TASP1: variants seen among roughly 807,000 people sequenced by gnomAD.
TASP1 encodes threonine aspartase 1.
In TASP1, 16 loss-of-function variants were observed where a neutral mutation model predicts 56.6. The observed-to-expected ratio is 0.28, with a 90% CI of 0.19 to 0.43. The LOEUF is 0.43. TASP1 is among the 20% of genes least tolerant of loss of function. TASP1 has a pLI of 1.00. For missense variants in TASP1, 393 were observed against 511.6 expected, an observed-to-expected ratio of 0.77 and a Z score of 2.24; for synonymous variants, 179 against 184.2, an observed-to-expected ratio of 0.97 and a Z score of 0.23.
intron 10 of TASP1, among the ~76,000 whole-genome samples, chr20:13,492,227 C>T (rs1227136900): frequency 6.6e-6 from 1 of 152,220 alleles, no homozygotes; most frequent in East Asian, 1.9e-4. Flanking sequence ...CTGCCATTCA[C>T]TCTCACTGTG....
At chr20:13,263,125 G>C in the TASP1 span, among the ~76,000 whole-genome samples, 552 of 152,208 alleles carry the variant, frequency 3.6e-3, 1 homozygote, top group African/African-American at 0.012. Flanking sequence ...GTTCCTAAAG[G>C]GGCATTGCAC....
intron 12 of TASP1, among the ~76,000 whole-genome samples, 172 bp from the exon 13 acceptor site, chr20:13,417,693 C>G (rs759218956): frequency 2.6e-5 from 4 of 152,182 alleles, no homozygotes; most frequent in Non-Finnish European, 5.9e-5. Flanking sequence ...CTGTGTAATG[C>G]CATTTACTGT....
chr20:13,430,369 G>C (rs1765655530), intron 12 of TASP1, among the ~76,000 whole-genome samples: 1 of 152,220 alleles, frequency 6.6e-6, no homozygotes, highest in Non-Finnish European at 1.5e-5. Context: ...TCTCCGATGA[G>C]ATTTCAGTCA....
intron 10 of TASP1, among the ~76,000 whole-genome samples, chr20:13,494,051 G>C (rs1270182742): frequency 3.9e-5 from 6 of 152,170 alleles, no homozygotes; most frequent in African/African-American, 1.4e-4. Context: ...CAGAGTATAT[G>C]TATAAGCATT....
At chr20:13,402,485 A>T (rs2041773821) in intron 13 of TASP1, among the ~76,000 whole-genome samples, 1 of 152,228 alleles carries the variant, frequency 6.6e-6, no homozygotes. Context: ...ATCAGTGATT[A>T]GCCACTTTTC....
intron 4 of TASP1, among the ~76,000 whole-genome samples, chr20:13,603,155 C>T (rs1014716006): frequency 6.6e-5 from 10 of 151,874 alleles, no homozygotes; most frequent in African/African-American, 2.4e-4. Flanking sequence ...CGCTTGAACC[C>T]GGAGGGTGGA....
intron 7 of TASP1, among the ~76,000 whole-genome samples, chr20:13,562,301 A>AT (rs2046369679): frequency 6.6e-6 from 1 of 152,186 alleles, no homozygotes; most frequent in African/African-American, 2.4e-5. Flanking sequence ...ACATTAAAAA[A>AT]TAAGAAAGAT....
the TASP1 span, among the ~76,000 whole-genome samples, chr20:13,254,175 G>A: frequency 2.0e-5 from 3 of 151,832 alleles, no homozygotes; most frequent in Non-Finnish European, 2.9e-5. Context: ...GGAGGTTGCA[G>A]TGAGCCAAGA....
the TASP1 span, among the ~76,000 whole-genome samples, chr20:13,301,895 A>C: frequency 6.6e-6 from 1 of 152,228 alleles, no homozygotes; most frequent in African/African-American, 2.4e-5. Flanking sequence ...TACTATGAAG[A>C]AATAGAGGCA....
At chr20:13,138,034 G>C in the TASP1 span, among the ~76,000 whole-genome samples, 35 of 152,250 alleles carry the variant, frequency 2.3e-4, no homozygotes, top group African/African-American at 8.4e-4. Flanking sequence ...CACCAACCCA[G>C]GGAGACCTTC....
At chr20:13,213,754 T>G in the TASP1 span, among the ~76,000 whole-genome samples, 2 of 152,148 alleles carry the variant, frequency 1.3e-5, no homozygotes, top group Admixed American at 6.6e-5. Flanking sequence ...TACCCACAAT[T>G]GGGAAAAATC....
chr20:13,384,699 C>G (rs1052966793), downstream of TASP1, among the ~76,000 whole-genome samples: 21 of 152,162 alleles, frequency 1.4e-4, no homozygotes, highest in African/African-American at 4.8e-4. Flanking sequence ...ATTCACTCCC[C>G]CTATAGCCCA....
chr20:13,475,513 T>C (rs905679490), intron 11 of TASP1, among the ~76,000 whole-genome samples: 2 of 152,210 alleles, frequency 1.3e-5, no homozygotes, highest in South Asian at 2.1e-4. Context: ...AATGAATGAA[T>C]ATTTTTCCAA....
At chr20:13,401,250 T>C (rs990967545) in intron 13 of TASP1, among the ~76,000 whole-genome samples, 3 of 152,214 alleles carry the variant, frequency 2.0e-5, no homozygotes, top group Non-Finnish European at 4.4e-5. Context: ...TTGTATTTTA[T>C]ATATATTTAA....
chr20:13,407,657 T>C (rs1017754549), intron 13 of TASP1, among the ~76,000 whole-genome samples: 11 of 152,356 alleles, frequency 7.2e-5, no homozygotes, highest in Admixed American at 3.9e-4. Context: ...TGCCAAACTG[T>C]TGTCCAAAGT....
At chr20:13,348,133 A>G in the TASP1 span, among the ~76,000 whole-genome samples, 1 of 152,298 alleles carries the variant, frequency 6.6e-6, no homozygotes, top group South Asian at 2.1e-4. Flanking sequence ...ATACCCTACA[A>G]TGCATCATCC....
chr20:13,450,869 T>G (rs765782685), intron 11 of TASP1, among the ~76,000 whole-genome samples: 1 of 152,124 alleles, frequency 6.6e-6, no homozygotes, highest in African/African-American at 2.4e-5. Flanking sequence ...CAAATCCTGA[T>G]GGAGAAGGTT....
chr20:13,216,751 A>G, the TASP1 span, among the ~76,000 whole-genome samples: 2 of 152,172 alleles, frequency 1.3e-5, no homozygotes, highest in Admixed American at 6.6e-5. Flanking sequence ...TCTTGGGCAA[A>G]CGTAGGGGTC....
chr20:13,487,147 A>G (rs2043349953), intron 10 of TASP1, among the ~76,000 whole-genome samples: 1 of 152,196 alleles, frequency 6.6e-6, no homozygotes, highest in African/African-American at 2.4e-5. Context: ...TTAGTCTAGG[A>G]CAAAGGCTGG....
Sources: allele counts gnomAD v4.1 joint callset (sites outside exome capture counted in the v4.1 genomes callset), GRCh38; gene constraint gnomAD v4.1.1; transcripts MANE v1.5; gene names NCBI Gene and HGNC (gene_info 2026-07-23, HGNC 2026-07-21).